CRTAC1: variants seen among roughly 807,000 people sequenced by gnomAD.
CRTAC1 encodes acidic secreted protein in cartilage.
In CRTAC1, 37 loss-of-function variants were observed where a neutral mutation model predicts 67.8. The ratio of observed to expected loss-of-function variants is 0.55; its 90% confidence interval spans 0.42 to 0.72. The LOEUF (loss-of-function observed/expected upper bound fraction) is 0.72, where lower values mean the gene tolerates loss of function less well. Among genes scored for constraint, CRTAC1 ranks in the 30% least tolerant of loss-of-function variants. The pLI is 0.00. For synonymous variants in CRTAC1, 348 were observed against 371.0 expected, an observed-to-expected ratio of 0.94 and a Z score of 0.71; for missense variants, 780 against 931.6, an observed-to-expected ratio of 0.84 and a Z score of 2.12.
intron 2 of CRTAC1, among the ~76,000 whole-genome samples, chr10:98,010,104 G>A (rs1455840880): frequency 6.7e-6 from 1 of 150,200 alleles, no homozygotes. Flanking sequence ...CAGTGGTGCC[G>A]TCTCGGCTTA....
chr10:97,920,668 TAG>T (rs2050823701), intron 4 of CRTAC1, among the ~76,000 whole-genome samples: 1 of 152,248 alleles, frequency 6.6e-6, no homozygotes, highest in African/African-American at 2.4e-5. Flanking sequence ...GCCCGGGTCC[TAG>T]TCTAGGGCCT....
Position 97,975,493 on chromosome 10 carries a change from C to T in CRTAC1, c.224+35645G>A, listed in dbSNP as rs975666369. On this transcript the variant is annotated intron_variant, in intron 2 of 14. Transcript: ENST00000370597. The surrounding 1 kb of genome is among the most constrained non-coding windows in gnomAD (Gnocchi z 4.8). The stretch of plus-strand genomic sequence containing the variant: ...AAGAAGCAGCTGGAAGACTCAACAT[C>T]TCTTGGCATCCAAGAGCAGAAAGAG... Among the ~76,000 whole-genome samples the T allele has an allele frequency of 1.3e-5, 2 of 152,194 alleles. No homozygotes were observed. Among genetic ancestry groups the T allele is most frequent in the African/African-American group, 2.4e-5 (1 of 41,460 alleles).
chr10:97,996,880 T>C (rs1842583336), intron 2 of CRTAC1, among the ~76,000 whole-genome samples: 1 of 152,088 alleles, frequency 6.6e-6, no homozygotes, highest in South Asian at 2.1e-4. Context: ...ATGGCACATA[T>C]ACACCATGGA....
At chr10:97,936,568 G>A (rs57933561) in intron 2 of CRTAC1, among the ~76,000 whole-genome samples, 24,122 of 152,228 alleles carry the variant, frequency 0.16, 2,140 homozygotes, top group South Asian at 0.22. Context: ...TTTTGCGCCC[G>A]GGCGCAGTGA....
chr10:98,012,153 G>A (rs771170508), intron 1 of CRTAC1, among the ~76,000 whole-genome samples: 8 of 152,266 alleles, frequency 5.3e-5, no homozygotes, highest in South Asian at 4.2e-4. Flanking sequence ...CATTGCGTGC[G>A]TGTTTTATTA....
At position 97,884,293 on chromosome 10, in the gene CRTAC1, C is replaced by T. The variant is rs768256838; in HGVS notation, c.1545G>A (p.Arg515=). 13 of 1,555,036 alleles carry T rather than the reference C, an allele frequency of 8.4e-6. No individual in the cohort carries two copies. The highest frequency in any genetic ancestry group is 1.1e-5 in the Non-Finnish European group (13 of 1,148,772). Residue 515 remains arginine (R), a synonymous_variant, in exon 12 of 15, where the codon CGG becomes CGA. Transcript: ENST00000370597. ...AGTTCATCTCCCCGCTGGCCACGTT[C>T]CGGCTCACCATCTTGCCATCTGGCC... The part of the protein sequence containing the change: ...VTWPDGKMVS[R]NVASGEMNSV...
At chr10:97,926,759 A>G (rs2050926601) in intron 3 of CRTAC1, among the ~76,000 whole-genome samples, 1 of 152,210 alleles carries the variant, frequency 6.6e-6, no homozygotes, top group South Asian at 2.1e-4. Context: ...AAGTGTTCAG[A>G]GGGTTCTGGA....
At chr10:97,966,572 A>G (rs1358387871) in intron 2 of CRTAC1, among the ~76,000 whole-genome samples, 1 of 152,242 alleles carries the variant, frequency 6.6e-6, no homozygotes, top group Admixed American at 6.5e-5. Flanking sequence ...CTGAACCAGT[A>G]TCAATATATG....
chr10:97,876,235 T>C (rs943953701), intron 14 of CRTAC1, among the ~76,000 whole-genome samples: 5 of 152,250 alleles, frequency 3.3e-5, no homozygotes, highest in African/African-American at 1.2e-4. Context: ...TGCCTTCGTC[T>C]GTCTGGGCTG....
chr10:97,926,050 G>C (rs967848414), intron 3 of CRTAC1, among the ~76,000 whole-genome samples: 2 of 152,148 alleles, frequency 1.3e-5, no homozygotes, highest in Admixed American at 1.3e-4. Flanking sequence ...CTCTCTCCCT[G>C]CCTGCTGTCC....
intron 1 of CRTAC1, among the ~76,000 whole-genome samples, chr10:98,020,512 A>G (rs1342912980): frequency 6.6e-6 from 1 of 152,220 alleles, no homozygotes; most frequent in Admixed American, 6.5e-5. Context: ...TGTCTAAGCA[A>G]ATGAGCTCCA....
chr10:98,015,922 A>G (rs1406123043), intron 1 of CRTAC1, among the ~76,000 whole-genome samples: 1 of 152,212 alleles, frequency 6.6e-6, no homozygotes, highest in Admixed American at 6.5e-5. Flanking sequence ...TACTACAGTG[A>G]AGGCACGAGA....
intron 2 of CRTAC1, among the ~76,000 whole-genome samples, chr10:97,988,461 C>A (rs982004531): frequency 1.2e-4 from 18 of 152,190 alleles, no homozygotes; most frequent in African/African-American, 3.9e-4. Context: ...GTGGCTCATG[C>A]CTGTAATCCC....
At chr10:97,944,104 A>G (rs2051221723) in intron 2 of CRTAC1, among the ~76,000 whole-genome samples, 1 of 152,200 alleles carries the variant, frequency 6.6e-6, no homozygotes, top group East Asian at 1.9e-4. Flanking sequence ...GTAAGGCAAG[A>G]TAACCTTTGG....
intron 2 of CRTAC1, among the ~76,000 whole-genome samples, chr10:97,987,888 C>G (rs1047869466): frequency 6.6e-6 from 1 of 152,194 alleles, no homozygotes; most frequent in African/African-American, 2.4e-5. Flanking sequence ...ATCCTACCCC[C>G]TTTCCCAACC....
At chr10:97,894,801 A>C (rs2050432400) in intron 11 of CRTAC1, among the ~76,000 whole-genome samples, 1 of 130,096 alleles carries the variant, frequency 7.7e-6, no homozygotes, top group African/African-American at 2.8e-5. Flanking sequence ...CTTGCCAAGA[A>C]CCCACTCTCT....
In CRTAC1 at chr10:97,880,250, C is replaced by A; in HGVS notation, c.1818G>T (p.Val606=). The A allele has an allele frequency of 6.2e-7, 1 of 1,614,136 alleles. No individual in the cohort carries two copies. The highest frequency in any genetic ancestry group is 1.7e-5 in the Admixed American group (1 of 60,020). ...YEPNEDGTAC[V]GTLGQSPGPR... ...GCCTATGGCTGGGGCCCCACTCACC[C>A]ACGCAGGCTGTGCCATCCTCGTTGG... Residue 606 remains valine, a splice_region_variant and synonymous_variant, in exon 14 of 15, where the codon GTG becomes GTT. Transcript: ENST00000370597.
rs1012781661 is a variant in CRTAC1, at chr10:97,923,523, C to A, written c.422-123G>T. On this transcript the variant is annotated intron_variant, in intron 3 of 14. Coordinates refer to ENST00000370597, the MANE Select transcript of CRTAC1 (RefSeq NM_018058.7). ...GGACCAGAGGAGGTTGGGTCATCTGCGGCAAGGAAGACCTCAAGCAGGTGA... is the reference window on the plus strand; with the variant it reads ...GGACCAGAGGAGGTTGGGTCATCTGAGGCAAGGAAGACCTCAAGCAGGTGA... 84 of 1,192,146 alleles carry A rather than the reference C, an allele frequency of 7.0e-5. 1 individual carries two copies. In the South Asian group the frequency reaches 1.1e-3, roughly 16 times the overall value. The allele number at this position is 1,192,146 out of a possible 1,614,324, so 73.8% of individuals were successfully genotyped here. A position where few individuals can be genotyped will look rare whatever the true frequency, so the allele number is the denominator to read the frequency against.
At chr10:97,881,928 T>A (rs1474084218) in intron 13 of CRTAC1, among the ~76,000 whole-genome samples, 3 of 152,072 alleles carry the variant, frequency 2.0e-5, no homozygotes, top group Non-Finnish European at 4.4e-5. Flanking sequence ...CTAGGCTGGT[T>A]TAGGGCCCCT....
Sources: gnomAD v4.1 joint callset for allele counts (sites outside exome capture counted in the v4.1 genomes callset) on GRCh38, gnomAD v4.1.1 for gene constraint, Gnocchi (gnomAD v3.1) non-coding constraint, MANE v1.5 for transcripts, NCBI Gene and HGNC (gene_info 2026-07-23, HGNC 2026-07-21) for gene names.